GRID1: variants seen among roughly 807,000 people sequenced by gnomAD.
GRID1 encodes glutamate ionotropic receptor delta type subunit 1, also known as glutamate receptor ionotropic, delta-1.
Under a neutral mutation model 98.0 loss-of-function variants are expected in GRID1, and 28 were observed. That is an observed-to-expected ratio of 0.29 (90% CI 0.21 to 0.39). The LOEUF (loss-of-function observed/expected upper bound fraction) is 0.39. Among genes scored for constraint, GRID1 ranks in the 10% least tolerant of loss-of-function variants. The pLI is 1.00. For synonymous variants in GRID1, 553 were observed against 538.5 expected (o/e 1.03, Z -0.37); for missense variants, 1,111 against 1,340.5 (o/e 0.83, Z 2.67).
chr10:85,822,059 C>T (rs1457531794), intron 8 of GRID1, among the ~76,000 whole-genome samples: 3 of 152,104 alleles, frequency 2.0e-5, no homozygotes, highest in Non-Finnish European at 2.9e-5. Flanking sequence ...AAGACTTAAA[C>T]GTTAGACCTA....
chr10:86,199,448 C>T (rs753505237), intron 3 of GRID1, among the ~76,000 whole-genome samples: 14 of 152,298 alleles, frequency 9.2e-5, no homozygotes, highest in African/African-American at 3.1e-4. Flanking sequence ...GACTCTACCA[C>T]GGTGTTTGCT....
At chr10:85,927,036 C>G (rs1487268524) in intron 4 of GRID1, among the ~76,000 whole-genome samples, 1 of 152,218 alleles carries the variant, frequency 6.6e-6, no homozygotes, top group Non-Finnish European at 1.5e-5. Flanking sequence ...TCATCACCCA[C>G]TTACCTAGCC....
chr10:85,803,380 C>T (rs1399657139), intron 8 of GRID1, among the ~76,000 whole-genome samples: 4 of 151,788 alleles, frequency 2.6e-5, no homozygotes, highest in East Asian at 1.9e-4. Flanking sequence ...ACTAAAAATA[C>T]GATTAATTTA....
intron 12 of GRID1, among the ~76,000 whole-genome samples, chr10:85,705,435 A>G (rs1224098781): frequency 6.6e-6 from 1 of 152,218 alleles, no homozygotes; most frequent in East Asian, 1.9e-4. Flanking sequence ...GAATAGACCA[A>G]TAACAGCCTC....
intron 8 of GRID1, among the ~76,000 whole-genome samples, chr10:85,825,569 C>T (rs552682421): frequency 6.6e-6 from 1 of 152,142 alleles, no homozygotes; most frequent in Non-Finnish European, 1.5e-5. Flanking sequence ...TGAAACTTTT[C>T]AGTGTTAGTG....
Position 86,012,710 on chromosome 10 carries a change from G to A in GRID1, c.727-96471C>T, listed in dbSNP as rs74730329. On this transcript the variant is annotated intron_variant, in intron 4 of 15. Coordinates refer to ENST00000327946, the MANE Select transcript of GRID1 (RefSeq NM_017551.3). ...TAGGACTGGGGCTCTTTTAAAAGAG[G>A]CTCCTGAGAGCTTTTTTACCCCTTC... Among the ~76,000 whole-genome samples, 781 of 151,506 alleles carry A rather than the reference G, an allele frequency of 5.2e-3. 8 individuals are homozygous for A. The highest frequency in any genetic ancestry group is 0.018 in the African/African-American group (741 of 41,418).
At chr10:85,773,413 C>A (rs1327629209) in intron 8 of GRID1, among the ~76,000 whole-genome samples, 1 of 152,184 alleles carries the variant, frequency 6.6e-6, no homozygotes, top group Non-Finnish European at 1.5e-5. Context: ...AAAACTGGCA[C>A]AAGACAGGGA....
intron 3 of GRID1, among the ~76,000 whole-genome samples, chr10:86,162,317 C>G (rs1845334650): frequency 6.6e-6 from 1 of 151,974 alleles, no homozygotes; most frequent in African/African-American, 2.4e-5. Flanking sequence ...ATGGGGCCAT[C>G]ATTACCGTGT....
chr10:86,244,859 C>T (rs1269821945), intron 2 of GRID1, among the ~76,000 whole-genome samples: 1 of 152,230 alleles, frequency 6.6e-6, no homozygotes, highest in Admixed American at 6.5e-5. Context: ...TATCTTTCAT[C>T]CCCTAATTAA....
At chr10:86,351,464 C>T (rs142732373) in intron 2 of GRID1, among the ~76,000 whole-genome samples, 234 of 152,280 alleles carry the variant, frequency 1.5e-3, no homozygotes, top group African/African-American at 5.3e-3. Context: ...GCAGCACAGG[C>T]CCCCCTACAA....
intron 5 of GRID1, among the ~76,000 whole-genome samples, chr10:85,897,998 A>G (rs1405288685): frequency 1.3e-5 from 2 of 152,140 alleles, no homozygotes; most frequent in Non-Finnish European, 2.9e-5. Flanking sequence ...ATGTTCTGAG[A>G]AATGTGTTGT....
chr10:86,264,234 G>A (rs942670458), intron 2 of GRID1, among the ~76,000 whole-genome samples: 14 of 152,052 alleles, frequency 9.2e-5, no homozygotes, highest in African/African-American at 2.9e-4. Context: ...ACTTCAACAC[G>A]CCCCACTCTG....
chr10:85,814,756 C>G (rs1490585362), intron 8 of GRID1, among the ~76,000 whole-genome samples: 2 of 151,836 alleles, frequency 1.3e-5, no homozygotes, highest in African/African-American at 4.8e-5. Flanking sequence ...TGAGATAACC[C>G]TCATATCTAT....
intron 4 of GRID1, among the ~76,000 whole-genome samples, chr10:86,012,660 G>T (rs1039864644): frequency 6.6e-6 from 1 of 152,146 alleles, no homozygotes; most frequent in Admixed American, 6.5e-5. Context: ...CCTTTGGGAG[G>T]TAACTGGATC....
chr10:86,266,099 C>T (rs934547623), intron 2 of GRID1, among the ~76,000 whole-genome samples: 1 of 152,072 alleles, frequency 6.6e-6, no homozygotes, highest in Non-Finnish European at 1.5e-5. Flanking sequence ...TTGAAGCCAC[C>T]CTGCTGGGGT....
chr10:85,960,863 T>C (rs1842256667), intron 4 of GRID1, among the ~76,000 whole-genome samples: 1 of 152,112 alleles, frequency 6.6e-6, no homozygotes, highest in Non-Finnish European at 1.5e-5. Flanking sequence ...TTTCTTTTGA[T>C]CTCTTGAGAA....
intron 4 of GRID1, among the ~76,000 whole-genome samples, chr10:86,100,692 C>G (rs1200003767): frequency 6.6e-6 from 1 of 152,296 alleles, no homozygotes; most frequent in East Asian, 1.9e-4. Flanking sequence ...TACTGCACAG[C>G]TTGACTTGCT....
intron 12 of GRID1, among the ~76,000 whole-genome samples, chr10:85,651,462 T>G (rs1189374101): frequency 6.6e-6 from 1 of 152,240 alleles, no homozygotes; most frequent in Non-Finnish European, 1.5e-5. Context: ...CTTGTTTCCA[T>G]CTTGCTGCCA....
At chr10:86,224,021 C>T (rs1242888621) in intron 2 of GRID1, among the ~76,000 whole-genome samples, 1 of 152,166 alleles carries the variant, frequency 6.6e-6, no homozygotes, top group African/African-American at 2.4e-5. Context: ...GACCAAGGAC[C>T]AGCAGGTGAT....
Sources: gnomAD v4.1 joint callset for allele counts (sites outside exome capture counted in the v4.1 genomes callset) on GRCh38, gnomAD v4.1.1 for gene constraint, MANE v1.5 for transcripts, NCBI Gene and HGNC (gene_info 2026-07-23, HGNC 2026-07-21) for gene names.